Variants in BAZ2B observed in about 807,000 individuals in gnomAD.
The protein encoded by BAZ2B is bromodomain adjacent to zinc finger domain protein 2B.
BAZ2B carries 91 observed loss-of-function variants against 246.0 expected under a neutral mutation model. The ratio of observed to expected loss-of-function variants is 0.37; its 90% CI spans 0.31 to 0.44. The LOEUF is 0.44. Ranked by LOEUF, BAZ2B falls within the 20% of genes least tolerant of loss-of-function variation. The probability of loss-of-function intolerance (pLI) is 1.00; values close to 1 mark genes in which losing one functional copy is unlikely to be tolerated. For missense variants in BAZ2B, 2,332 were observed against 2,533.7 expected (o/e 0.92, Z 1.71); for synonymous variants, 855 against 860.0 (o/e 0.99, Z 0.10).
At chr2:159,432,118 G>A (rs565760152) in intron 9 of BAZ2B, among the ~76,000 whole-genome samples, 2 of 152,242 alleles carry the variant, frequency 1.3e-5, no homozygotes, top group South Asian at 2.1e-4. Context: ...TAGTTGACCA[G>A]TAACAAATCC....
At chr2:159,676,955 TATA>T in the BAZ2B span, among the ~76,000 whole-genome samples, 38 of 25,846 alleles carry the variant, frequency 1.5e-3, no homozygotes, top group East Asian at 0.03. Context: ...AGTTTTGTTA[TATA>T]TATATATATA....
chr2:159,343,803 G>C (rs1029940321), intron 31 of BAZ2B, among the ~76,000 whole-genome samples: 2 of 151,954 alleles, frequency 1.3e-5, no homozygotes. Context: ...GAGGCGGGCA[G>C]ATCACAAGGT....
chr2:159,651,398 G>A, the BAZ2B span, among the ~76,000 whole-genome samples: 24 of 151,974 alleles, frequency 1.6e-4, no homozygotes, highest in Non-Finnish European at 3.4e-4. Context: ...TTCTCATCCC[G>A]GCTCTCTCCT....
chr2:159,429,692 T>C (rs1400070575), intron 10 of BAZ2B, among the ~76,000 whole-genome samples: 2 of 152,118 alleles, frequency 1.3e-5, no homozygotes, highest in African/African-American at 4.8e-5. Context: ...TCCATATAAA[T>C]CCATAGTCAA....
intron 1 of BAZ2B, among the ~76,000 whole-genome samples, chr2:159,570,948 G>T (rs1297121513): frequency 6.6e-6 from 1 of 152,018 alleles, no homozygotes; most frequent in Non-Finnish European, 1.5e-5. Context: ...CCTCCTCCTG[G>T]GTTCAAGAGA....
chr2:159,658,360 G>A, the BAZ2B span, among the ~76,000 whole-genome samples: 1 of 152,014 alleles, frequency 6.6e-6, no homozygotes, highest in Admixed American at 6.6e-5. Context: ...CTGCGACTGG[G>A]TCTCGCTGTG....
intron 3 of BAZ2B, among the ~76,000 whole-genome samples, chr2:159,471,172 A>G (rs939164729): frequency 6.6e-6 from 1 of 152,208 alleles, no homozygotes; most frequent in Non-Finnish European, 1.5e-5. Context: ...ATGAGGCTAG[A>G]AAGATGACAC....
chr2:159,699,576 T>A, the BAZ2B span, among the ~76,000 whole-genome samples: 2 of 152,096 alleles, frequency 1.3e-5, no homozygotes, highest in Non-Finnish European at 2.9e-5. Context: ...AGAAACAAAC[T>A]GATTTTTCAA....
chr2:159,613,479 ACT>A (rs1695148377), intron 1 of BAZ2B, among the ~76,000 whole-genome samples: 3 of 87,764 alleles, frequency 3.4e-5, no homozygotes, highest in Admixed American at 9.8e-5. Flanking sequence ...AAAAAAAAAG[ACT>A]CTTCATCATC....
chr2:159,450,555 T>C (rs1170623481), intron 4 of BAZ2B, among the ~76,000 whole-genome samples: 3 of 152,160 alleles, frequency 2.0e-5, no homozygotes, highest in Non-Finnish European at 2.9e-5. Context: ...CTGATACTAT[T>C]TCATAGGAAA....
chr2:159,493,345 G>C (rs1206037552), intron 2 of BAZ2B, among the ~76,000 whole-genome samples: 2 of 152,208 alleles, frequency 1.3e-5, no homozygotes, highest in Non-Finnish European at 2.9e-5. Flanking sequence ...TTATGGCACA[G>C]TGTCTATCTA....
rs1370475710 is a variant in BAZ2B at position 159,387,658 on chromosome 2, CAT to C, written c.3217-1053_3217-1052del. The stretch of plus-strand genomic sequence containing the variant: ...TCCCTTTTTCTTGAACCACAGGAAA[CAT>C]ATACATTTCTATGTAATTCTAAAAA... On this transcript the variant is annotated intron_variant, in intron 21 of 36. Transcript: ENST00000392783. Among the ~76,000 whole-genome samples the C allele has an allele frequency of 4.6e-5, 7 of 152,182 alleles. No homozygotes were observed. In the East Asian group the frequency reaches 1.2e-3, roughly 25 times the overall value.
chr2:159,496,957 G>A (rs1356243003), intron 2 of BAZ2B, among the ~76,000 whole-genome samples: 1 of 151,852 alleles, frequency 6.6e-6, no homozygotes, highest in Non-Finnish European at 1.5e-5. Flanking sequence ...CTATTTTTGA[G>A]CATTAACTAC....
chr2:159,486,096 A>G (rs146909659), intron 2 of BAZ2B, among the ~76,000 whole-genome samples: 2,445 of 152,170 alleles, frequency 0.016, 31 homozygotes, highest in Non-Finnish European at 0.021. Flanking sequence ...TAATATCTCT[A>G]TATCAACTAA....
the BAZ2B span, among the ~76,000 whole-genome samples, chr2:159,636,448 A>C: frequency 1.3e-5 from 2 of 152,166 alleles, no homozygotes; most frequent in African/African-American, 4.8e-5. Context: ...TGCTGGACTC[A>C]ACTGGCACCT....
At chr2:159,430,286 C>G (rs1191852342) in intron 10 of BAZ2B, among the ~76,000 whole-genome samples, 3 of 152,188 alleles carry the variant, frequency 2.0e-5, no homozygotes, top group African/African-American at 7.2e-5. Context: ...GAATGAAGAT[C>G]TTTATAATGA....
chr2:159,572,349 G>A (rs13426831), intron 1 of BAZ2B, among the ~76,000 whole-genome samples: 5,714 of 152,238 alleles, frequency 0.038, 336 homozygotes, highest in African/African-American at 0.12. Context: ...GTGAGTAACT[G>A]AGAGACCCTA....
chr2:159,365,602 C>G (rs1490192526), intron 27 of BAZ2B, among the ~76,000 whole-genome samples: 1 of 152,166 alleles, frequency 6.6e-6, no homozygotes, highest in Admixed American at 6.6e-5. Context: ...TACAGAAGGG[C>G]AATTTTGATT....
intron 2 of BAZ2B, among the ~76,000 whole-genome samples, chr2:159,547,669 A>G (rs1477916870): frequency 2.0e-5 from 3 of 152,220 alleles, no homozygotes; most frequent in Non-Finnish European, 2.9e-5. Context: ...TACCTAGTCT[A>G]TATGCTAGAC....
Sources: gnomAD v4.1 joint callset for allele counts (sites outside exome capture counted in the v4.1 genomes callset) on GRCh38, gnomAD v4.1.1 for gene constraint, MANE v1.5 for transcripts, NCBI Gene and HGNC (gene_info 2026-07-23, HGNC 2026-07-21) for gene names.